FSTL4: variants seen among roughly 807,000 people sequenced by gnomAD.
The protein encoded by FSTL4 is follistatin-related protein 4.
In FSTL4, 28 loss-of-function variants were observed where a neutral mutation model predicts 78.2. The observed-to-expected ratio is 0.36, with a 90% CI of 0.27 to 0.49. The LOEUF is 0.49. Among genes scored for constraint, FSTL4 ranks in the 20% least tolerant of loss-of-function variants. The pLI is 0.98. For missense variants in FSTL4, 922 were observed against 1,084.9 expected, an observed-to-expected ratio of 0.85 and a Z score of 2.11; for synonymous variants, 422 against 440.5, an observed-to-expected ratio of 0.96 and a Z score of 0.53.
intron 3 of FSTL4, among the ~76,000 whole-genome samples, chr5:133,452,615 G>A (rs909747448): frequency 4.6e-5 from 7 of 152,224 alleles, no homozygotes; most frequent in East Asian, 1.9e-4. Context: ...GTAAGTGCTC[G>A]TATTAAATGT....
intron 3 of FSTL4, among the ~76,000 whole-genome samples, chr5:133,526,334 A>G (rs934948617): frequency 3.9e-5 from 6 of 152,280 alleles, no homozygotes; most frequent in Middle Eastern, 3.4e-3. Flanking sequence ...GTTGAGGGAA[A>G]GAAGGTGAAC....
the FSTL4 span, among the ~76,000 whole-genome samples, chr5:133,629,890 A>G: frequency 1.3e-5 from 2 of 152,260 alleles, no homozygotes; most frequent in African/African-American, 4.8e-5. Flanking sequence ...AACCAATGAC[A>G]AAAACCACAT....
chr5:133,766,189 T>G, the FSTL4 span, among the ~76,000 whole-genome samples: 3 of 152,216 alleles, frequency 2.0e-5, no homozygotes, highest in Admixed American at 2.0e-4. Context: ...CATGGTCTGT[T>G]TTTGTACTGC....
At chr5:133,396,977 T>C (rs992000146) in intron 4 of FSTL4, among the ~76,000 whole-genome samples, 3 of 152,104 alleles carry the variant, frequency 2.0e-5, no homozygotes, top group African/African-American at 7.2e-5. Context: ...AGGGGCCCCT[T>C]AAAACAGAAC....
intron 3 of FSTL4, among the ~76,000 whole-genome samples, chr5:133,469,328 T>C (rs1446261059): frequency 6.6e-6 from 1 of 152,196 alleles, no homozygotes; most frequent in Non-Finnish European, 1.5e-5. Flanking sequence ...AGGAACTCTG[T>C]TGGCAAGATC....
intron 4 of FSTL4, among the ~76,000 whole-genome samples, chr5:133,390,799 C>T (rs966314800): frequency 6.6e-6 from 1 of 152,212 alleles, no homozygotes; most frequent in Non-Finnish European, 1.5e-5. Context: ...TAACTTGACA[C>T]AGTGGCAAGT....
At chr5:133,254,889 C>A (rs1337140297) in intron 6 of FSTL4, among the ~76,000 whole-genome samples, 3 of 152,328 alleles carry the variant, frequency 2.0e-5, no homozygotes, top group South Asian at 2.1e-4. Context: ...CTGAACCTCA[C>A]CTGCGCTGGC....
chr5:133,835,891 A>G, the FSTL4 span, among the ~76,000 whole-genome samples: 1 of 152,214 alleles, frequency 6.6e-6, no homozygotes, highest in Non-Finnish European at 1.5e-5. Flanking sequence ...CTATGTTATT[A>G]GGTGCCTATA....
chr5:133,679,983 T>C, the FSTL4 span, among the ~76,000 whole-genome samples: 1 of 152,174 alleles, frequency 6.6e-6, no homozygotes, highest in Non-Finnish European at 1.5e-5. Context: ...GATAAGACTG[T>C]ACTAGAACTC....
chr5:133,656,943 G>A, the FSTL4 span, among the ~76,000 whole-genome samples: 1 of 152,170 alleles, frequency 6.6e-6, no homozygotes, highest in South Asian at 2.1e-4. Context: ...TATTGTTTAA[G>A]TTTACTGTTG....
At chr5:133,449,463 G>A (rs17166704) in intron 3 of FSTL4, among the ~76,000 whole-genome samples, 17,704 of 152,220 alleles carry the variant, frequency 0.12, 1,780 homozygotes, top group African/African-American at 0.28. Flanking sequence ...AGTCTAACAC[G>A]CGCGGGCCTC....
chr5:133,829,436 G>A, the FSTL4 span, among the ~76,000 whole-genome samples: 1 of 152,056 alleles, frequency 6.6e-6, no homozygotes, highest in Admixed American at 6.6e-5. Flanking sequence ...GTTGTTTGTG[G>A]AACCAAAACC....
chr5:133,326,229 C>T (rs142639558), intron 4 of FSTL4, among the ~76,000 whole-genome samples: 107 of 152,316 alleles, frequency 7.0e-4, no homozygotes, highest in African/African-American at 2.3e-3. Flanking sequence ...ACAATAAATG[C>T]CAAAACCAAT....
chr5:133,317,586 T>C (rs1753939889), intron 4 of FSTL4, among the ~76,000 whole-genome samples: 1 of 152,114 alleles, frequency 6.6e-6, no homozygotes, highest in African/African-American at 2.4e-5. Flanking sequence ...CCAAGGCCAG[T>C]TTAGGGCCTG....
chr5:133,246,835 T>C (rs985415404), intron 7 of FSTL4: 1 of 152,204 alleles, frequency 6.6e-6, no homozygotes, highest in African/African-American at 2.4e-5. Context: ...ACAGTGATAA[T>C]AGCATTTATA....
chr5:133,285,281 T>C (rs1319022244), intron 6 of FSTL4, among the ~76,000 whole-genome samples: 1 of 152,230 alleles, frequency 6.6e-6, no homozygotes, highest in African/African-American at 2.4e-5. Flanking sequence ...AATGGAAATC[T>C]TGATGGAGGT....
At chr5:133,534,168 A>T (rs1040963880) in intron 3 of FSTL4, among the ~76,000 whole-genome samples, 2 of 152,204 alleles carry the variant, frequency 1.3e-5, no homozygotes, top group Admixed American at 1.3e-4. Flanking sequence ...TGTAAAAAAA[A>T]AAAACCAAAT....
intron 6 of FSTL4, among the ~76,000 whole-genome samples, chr5:133,311,882 T>C (rs1403266289): frequency 6.6e-6 from 1 of 152,182 alleles, no homozygotes; most frequent in African/African-American, 2.4e-5. Context: ...GGGCCAAGGA[T>C]GTCCCCTCTA....
At chr5:133,381,200 A>G (rs1755559841) in intron 4 of FSTL4, among the ~76,000 whole-genome samples, 1 of 152,244 alleles carries the variant, frequency 6.6e-6, no homozygotes, top group Non-Finnish European at 1.5e-5. Context: ...AGACATATCC[A>G]AGAATGATTC....
Sources: gnomAD v4.1 joint callset for allele counts (sites outside exome capture counted in the v4.1 genomes callset) on GRCh38, gnomAD v4.1.1 for gene constraint, MANE v1.5 for transcripts, NCBI Gene and HGNC (gene_info 2026-07-23, HGNC 2026-07-21) for gene names.